The following CADPS2 variants were observed in gnomAD, a reference collection of about 807,000 sequenced individuals.
CADPS2 encodes the protein calcium dependent secretion activator 2.
CADPS2 carries 93 observed loss-of-function variants against 172.5 expected under a neutral mutation model. The observed-to-expected ratio is 0.54, with a 90% CI of 0.46 to 0.64. The LOEUF is 0.64. CADPS2 is among the 30% of genes least tolerant of loss of function. The pLI is 0.00. For synonymous variants in CADPS2, 546 were observed against 555.2 expected, an observed-to-expected ratio of 0.98 and a Z score of 0.23; for missense variants, 1,420 against 1,565.9, an observed-to-expected ratio of 0.91 and a Z score of 1.57.
intron 28 of CADPS2, 145 bp downstream of exon 28, chr7:122,345,429 T>G: frequency 3.6e-6 from 2 of 556,478 alleles, no homozygotes; most frequent in Non-Finnish European, 6.3e-6. Flanking sequence ...TGAGCCACTA[T>G]GCCTGGCCAG....
chr7:122,524,134 A>T (rs2061023364), intron 8 of CADPS2, among the ~76,000 whole-genome samples: 2 of 152,234 alleles, frequency 1.3e-5, no homozygotes, highest in African/African-American at 4.8e-5. Context: ...TAAATAGTTT[A>T]GCAAGAAACA....
intron 27 of CADPS2, 145 bp from the exon 28 acceptor site, chr7:122,345,826 T>C (rs1349300861): frequency 1.9e-6 from 1 of 534,306 alleles, no homozygotes; most frequent in Non-Finnish European, 3.3e-6. Flanking sequence ...GCATCTTCAA[T>C]ACATTCCATA....
At chr7:122,368,163 G>C (rs2041230740) in intron 25 of CADPS2, 1 of 152,256 alleles carries the variant, frequency 6.6e-6, no homozygotes, top group Non-Finnish European at 1.5e-5. Context: ...ACAAGTGTGA[G>C]CCACTGCACC....
Position 122,690,755 on chromosome 7 carries a change from C to T in CADPS2, c.454-27186G>A, listed in dbSNP as rs546479055. ...TCAATAAACTGCCCAGCTACAGCTG[C>T]AGATTACTGTAGGTGTCACCTTCTT... On this transcript the variant is annotated intron_variant, in intron 2 of 29. Coordinates refer to ENST00000449022, the MANE Select transcript of CADPS2 (RefSeq NM_017954.11). Among the ~76,000 whole-genome samples, 18 of 152,314 alleles carry T rather than the reference C, an allele frequency of 1.2e-4. 2 individuals are homozygous for T. The South Asian group carries it at 3.7e-3, about 32-fold the overall frequency.
At chr7:122,509,314 G>T (rs1358716309) in intron 9 of CADPS2, among the ~76,000 whole-genome samples, 1 of 152,128 alleles carries the variant, frequency 6.6e-6, no homozygotes, top group African/African-American at 2.4e-5. Context: ...CTGTGGCATG[G>T]CTGACTGTTT....
chr7:122,817,091 T>TCAG (rs2140281260), intron 1 of CADPS2, among the ~76,000 whole-genome samples: 1 of 151,946 alleles, frequency 6.6e-6, no homozygotes, highest in East Asian at 1.9e-4. Context: ...CTTTTCAGAC[T>TCAG]CAGCCCGCCT....
intron 23 of CADPS2, 149 bp downstream of exon 23, chr7:122,388,434 T>G (rs919104317): frequency 7.7e-5 from 63 of 817,870 alleles, no homozygotes; most frequent in Non-Finnish European, 2.1e-5. Flanking sequence ...TCCCCAGAAT[T>G]TAATCAAGAT....
intron 19 of CADPS2, among the ~76,000 whole-genome samples, chr7:122,413,403 G>A (rs1320022450): frequency 2.0e-5 from 3 of 152,172 alleles, no homozygotes; most frequent in Admixed American, 1.3e-4. Context: ...AAAGAGAAGG[G>A]AAAACTGCCT....
intron 2 of CADPS2, among the ~76,000 whole-genome samples, chr7:122,726,294 T>G (rs2091075794): frequency 6.6e-6 from 1 of 152,064 alleles, no homozygotes; most frequent in Non-Finnish European, 1.5e-5. Flanking sequence ...AAATTAAATT[T>G]TATAAACAAA....
At chr7:122,340,497 C>T (rs1477305218) in intron 28 of CADPS2, among the ~76,000 whole-genome samples, 2 of 152,200 alleles carry the variant, frequency 1.3e-5, no homozygotes, top group East Asian at 1.9e-4. Context: ...ACTGCCTCCA[C>T]ATTTCAACAT....
At chr7:122,588,154 T>TGTAGG (rs560401846) in intron 6 of CADPS2, among the ~76,000 whole-genome samples, 101 of 152,252 alleles carry the variant, frequency 6.6e-4, no homozygotes, top group African/African-American at 2.4e-3. Context: ...TCTCCCACTC[T>TGTAGG]GTAGGCTGTC....
In CADPS2 at chr7:122,527,617, A is replaced by AGAGTGT; in HGVS notation, c.1476-14303_1476-14302insACACTC. Among the ~76,000 whole-genome samples the AGAGTGT allele has an allele frequency of 4.8e-4, 40 of 83,890 alleles. 1 individual carries two copies. The highest frequency in any genetic ancestry group is 4.4e-3 in the South Asian group (10 of 2,290). The allele number at this position is 83,890 out of a possible 152,430, so 55.0% of individuals were successfully genotyped here. On this transcript the variant is annotated intron_variant, in intron 8 of 29. Coordinates refer to ENST00000449022, the MANE Select transcript of CADPS2 (RefSeq NM_017954.11). ...GAGAGAGAGAGAGAGAGAGAGAGAG[A>AGAGTGT]GTGTGTGTGTGTGTGTGTGTGTGTG... is the stretch of plus-strand genomic sequence containing the variant.
At chr7:122,580,536 T>G (rs1259254087) in intron 7 of CADPS2, among the ~76,000 whole-genome samples, 1 of 152,040 alleles carries the variant, frequency 6.6e-6, no homozygotes, top group Non-Finnish European at 1.5e-5. Flanking sequence ...CCTACTTCAT[T>G]TATAAGTCTG....
At chr7:122,657,172 C>G (rs558108986) in intron 3 of CADPS2, among the ~76,000 whole-genome samples, 1 of 152,274 alleles carries the variant, frequency 6.6e-6, no homozygotes, top group Admixed American at 6.5e-5. Flanking sequence ...GTCTATATCT[C>G]TGTTTTGGTA....
chr7:122,734,397 AAAG>A (rs2091985737), intron 2 of CADPS2, among the ~76,000 whole-genome samples: 2 of 141,932 alleles, frequency 1.4e-5, no homozygotes, highest in Admixed American at 1.4e-4. Flanking sequence ...GAAAAAAAAA[AAAG>A]AAAATCTGGA....
At position 122,836,696 on chromosome 7, in the gene CADPS2, G is replaced by GCCT. The variant is rs973876990; in HGVS notation, c.339+49302_339+49303insAGG. Among the ~76,000 whole-genome samples, 13 of 152,232 alleles carry GCCT rather than the reference G, an allele frequency of 8.5e-5. 1 individual carries two copies. The South Asian group carries it at 1.0e-3, about 12-fold the overall frequency. ...GAGACAAAGAAGGCCATTACATAAT[G>GCCT]GTAAAGGGATCAATTCAACAAGAAG... On this transcript the variant is annotated intron_variant, in intron 1 of 29. Coordinates refer to ENST00000449022, the MANE Select transcript of CADPS2 (RefSeq NM_017954.11).
intron 1 of CADPS2, among the ~76,000 whole-genome samples, chr7:122,774,315 G>A (rs1438543567): frequency 7.2e-6 from 1 of 139,670 alleles, no homozygotes; most frequent in Non-Finnish European, 1.6e-5. Flanking sequence ...CACACACTCT[G>A]GAAACAAAAG....
At chr7:122,564,847 GCACA>G (rs113078322) in intron 7 of CADPS2, among the ~76,000 whole-genome samples, 26,332 of 145,424 alleles carry the variant, frequency 0.18, 2,972 homozygotes, top group Middle Eastern at 0.28. Context: ...ACACACACAT[GCACA>G]CACACACACA....
chr7:122,547,937 ATTCT>A (rs975522820), intron 8 of CADPS2, among the ~76,000 whole-genome samples: 1 of 152,190 alleles, frequency 6.6e-6, no homozygotes, highest in Non-Finnish European at 1.5e-5. Flanking sequence ...TCTCTCACTG[ATTCT>A]TTCCACAAAA....
Sources: allele counts gnomAD v4.1 joint callset (sites outside exome capture counted in the v4.1 genomes callset), GRCh38; gene constraint gnomAD v4.1.1; transcripts MANE v1.5; gene names NCBI Gene and HGNC (gene_info 2026-07-23, HGNC 2026-07-21).